Variants in ARHGAP20 observed in about 807,000 individuals in gnomAD.
ARHGAP20 encodes the protein Rho GTPase activating protein 20.
ARHGAP20 carries 34 observed loss-of-function variants against 73.7 expected under a neutral mutation model. The ratio of observed to expected loss-of-function variants is 0.46; its 90% CI spans 0.35 to 0.61. ARHGAP20 has a LOEUF of 0.61. Ranked by LOEUF, ARHGAP20 falls within the 20% of genes least tolerant of loss-of-function variation. The pLI, the probability that ARHGAP20 is intolerant of heterozygous loss-of-function variation, is 0.00. For synonymous variants in ARHGAP20, 523 were observed against 518.2 expected (o/e 1.01, Z -0.13); for missense variants, 1,314 against 1,420.9 (o/e 0.92, Z 1.21).
intron 9 of ARHGAP20, among the ~76,000 whole-genome samples, chr11:110,594,836 A>C (rs559129256): frequency 2.3e-4 from 34 of 150,896 alleles, no homozygotes; most frequent in Middle Eastern, 3.4e-3. Context: ...GACACAACAA[A>C]AAAAAAAAGA....
intron 2 of ARHGAP20, among the ~76,000 whole-genome samples, chr11:110,656,769 C>CT (rs1461120550): frequency 1.7e-4 from 26 of 152,126 alleles, no homozygotes; most frequent in Admixed American, 1.7e-3. Context: ...TACCTCCAAA[C>CT]TTTTTTTGGG....
Position 110,586,266 on chromosome 11 carries a change from G to T in ARHGAP20, c.1365C>A (p.Val455=). Residue 455 remains valine (V), a synonymous_variant, in exon 12 of 15, where the codon GTC becomes GTA. Transcript: ENST00000683387. Reference sequence around the variant, plus strand: ...CATCATTTCCTTGATCCATTACAGAGACCCAGTGATCATAGAGATCTGATG... The same window carrying T: ...CATCATTTCCTTGATCCATTACAGATACCCAGTGATCATAGAGATCTGATG... ...IFSSDLYDHW[V]SVMDQGNDEE... 6.3e-7 allele frequency: 1 copy of T among 1,574,922 alleles called. No individual in the cohort carries two copies. The highest frequency in any genetic ancestry group is 8.6e-7 in the Non-Finnish European group (1 of 1,159,694).
At chr11:110,628,536 C>G (rs1356412646) in intron 3 of ARHGAP20, among the ~76,000 whole-genome samples, 1 of 152,060 alleles carries the variant, frequency 6.6e-6, no homozygotes, top group Non-Finnish European at 1.5e-5. Flanking sequence ...TAATAATCAT[C>G]ATCATCATCT....
At chr11:110,711,529 T>C in intron 1 of ARHGAP20, 1 of 1,185,724 alleles carries the variant, frequency 8.4e-7, no homozygotes, top group Non-Finnish European at 1.1e-6. Flanking sequence ...AGACCCGGAA[T>C]CATCCAGGAC....
chr11:110,711,615 G>C (rs1950658656), intron 1 of ARHGAP20: 3 of 1,487,668 alleles, frequency 2.0e-6, no homozygotes, highest in African/African-American at 1.4e-5. Context: ...CGGCGGGCAG[G>C]TGAGGGGGCC....
intron 2 of ARHGAP20, among the ~76,000 whole-genome samples, chr11:110,660,162 G>A (rs1400979959): frequency 6.6e-6 from 1 of 151,898 alleles, no homozygotes; most frequent in Non-Finnish European, 1.5e-5. Flanking sequence ...TAGAATGCAA[G>A]GTTCTACTCT....
chr11:110,582,053 ACAT>A (rs971981251), intron 14 of ARHGAP20, among the ~76,000 whole-genome samples: 1 of 152,180 alleles, frequency 6.6e-6, no homozygotes, highest in African/African-American at 2.4e-5. Flanking sequence ...CCATCAAAAA[ACAT>A]CATACCACAG....
intron 2 of ARHGAP20, among the ~76,000 whole-genome samples, chr11:110,664,820 T>C (rs568844332): frequency 3.3e-5 from 5 of 151,102 alleles, no homozygotes; most frequent in Admixed American, 2.0e-4. Context: ...AAAAAAGATA[T>C]AAAGCACCAG....
intron 1 of ARHGAP20, among the ~76,000 whole-genome samples, chr11:110,694,998 G>C (rs1950309487): frequency 6.6e-6 from 1 of 151,594 alleles, no homozygotes; most frequent in Non-Finnish European, 1.5e-5. Flanking sequence ...GACATAGACA[G>C]CAAGAGTATA....
intron 14 of ARHGAP20, among the ~76,000 whole-genome samples, chr11:110,581,731 T>C (rs931788011): frequency 1.3e-5 from 2 of 152,154 alleles, no homozygotes; most frequent in African/African-American, 2.4e-5. Flanking sequence ...ATAAAGACAA[T>C]GATGTTCAGT....
At chr11:110,675,240 T>C (rs1949907415) in intron 2 of ARHGAP20, among the ~76,000 whole-genome samples, 1 of 152,214 alleles carries the variant, frequency 6.6e-6, no homozygotes, top group African/African-American at 2.4e-5. Flanking sequence ...TCTCAGAACA[T>C]TTCCCTACTA....
intron 2 of ARHGAP20, among the ~76,000 whole-genome samples, chr11:110,649,562 G>C (rs1484430087): frequency 1.3e-5 from 2 of 152,018 alleles, no homozygotes; most frequent in East Asian, 3.8e-4. Context: ...TCCTTCCAAC[G>C]AGGCGGTGAG....
At chr11:110,602,353 G>T (rs1948132000) in intron 9 of ARHGAP20, among the ~76,000 whole-genome samples, 1 of 152,162 alleles carries the variant, frequency 6.6e-6, no homozygotes, top group Non-Finnish European at 1.5e-5. Flanking sequence ...TATGTTTACT[G>T]TGCAATGAAG....
chr11:110,597,713 T>C (rs1426158645), intron 9 of ARHGAP20, among the ~76,000 whole-genome samples: 1 of 152,208 alleles, frequency 6.6e-6, no homozygotes, highest in Non-Finnish European at 1.5e-5. Flanking sequence ...CTATGAGTGT[T>C]GACAGAGGAT....
chr11:110,579,315 G>T lies in ARHGAP20; in HGVS notation c.*55C>A. On this transcript the variant is annotated 3_prime_UTR_variant, in exon 15 of 15. Transcript: ENST00000683387. ...ATACAAAGGGGTCATAATAATTATT[G>T]TCTATTATTATTAACCCAGTTCCTG... 1 of 1,508,260 alleles carries T rather than the reference G, an allele frequency of 6.6e-7. No homozygotes were observed. Among genetic ancestry groups the T allele is most frequent in the Admixed American group, 2.1e-5 (1 of 46,824 alleles). 93.4% of individuals were successfully genotyped at this position (1,508,260 alleles called of 1,614,324 possible). A position where few individuals can be genotyped will look rare whatever the true frequency, so the allele number is the denominator to read the frequency against.
chr11:110,614,958 A>G (rs1187233694), intron 5 of ARHGAP20, among the ~76,000 whole-genome samples: 4 of 152,184 alleles, frequency 2.6e-5, no homozygotes, highest in East Asian at 1.9e-4. Flanking sequence ...CACCTTACTG[A>G]TAAGTATAGG....
Position 110,579,959 on chromosome 11 carries a change from C to G in ARHGAP20, c.2987G>C (p.Ser996Thr). 1.9e-6 allele frequency: 3 copies of G among 1,614,230 alleles called. No homozygotes were observed. The highest frequency in any genetic ancestry group is 2.5e-6 in the Non-Finnish European group (3 of 1,180,044). The change falls in exon 15 of 15, where the codon AGC becomes ACC. Residue 996 changes from serine to threonine, a missense_variant. Physicochemically the swap from Ser to Thr is moderately conservative, Grantham distance 58 (BLOSUM62 1). Transcript: ENST00000683387. ...EDLSPDFSNA[S>T]HVSGMPGPSS... ...GGGACCGGGCATTCCGGAAACATGG[C>G]TGGCATTGCTAAAGTCAGGAGAAAG...
Position 110,580,878 on chromosome 11 carries a change from C to T in ARHGAP20, c.2068G>A (p.Ala690Thr). Residue 690 changes from alanine to threonine, a missense_variant, in exon 15 of 15, where the codon GCA becomes ACA. Ala to Thr is a moderately conservative substitution (Grantham distance 58). This residue lies in a region of ARHGAP20 where 641 missense variants were observed against 636.9 expected (regional missense o/e 1.01). Transcript: ENST00000683387. Reference sequence around the variant, plus strand: ...CTCAGGCTTTTTGCAGCATTTGCTGCAGCTGTGGACAGGTAGCTGGGTGTG... The same window carrying T: ...CTCAGGCTTTTTGCAGCATTTGCTGTAGCTGTGGACAGGTAGCTGGGTGTG... ...MCTPSYLSTA[A>T]ANAAKSLRRH... 2.5e-6 allele frequency: 4 copies of T among 1,612,376 alleles called. No homozygotes were observed. The highest frequency in any genetic ancestry group is 1.1e-5 in the South Asian group (1 of 91,052).
chr11:110,670,948 G>A (rs569922862), intron 2 of ARHGAP20, among the ~76,000 whole-genome samples: 5 of 152,090 alleles, frequency 3.3e-5, no homozygotes, highest in African/African-American at 7.2e-5. Context: ...TAAATCTAAC[G>A]TGGTATTCTA....
Sources: allele counts gnomAD v4.1 joint callset (sites outside exome capture counted in the v4.1 genomes callset), GRCh38; gene constraint gnomAD v4.1.1; regional missense constraint gnomAD v4.1.1; transcripts MANE v1.5; gene names NCBI Gene and HGNC (gene_info 2026-07-23, HGNC 2026-07-21).